CRYBB2: variants seen among roughly 807,000 people sequenced by gnomAD.
CRYBB2 encodes the protein beta-crystallin B2.
CRYBB2 carries 12 observed loss-of-function variants against 24.3 expected under a neutral mutation model. That is an observed-to-expected ratio of 0.49 (90% confidence interval 0.32 to 0.80). CRYBB2 has a LOEUF of 0.80. Ranked by LOEUF, CRYBB2 falls within the 30% of genes least tolerant of loss-of-function variation. The pLI, the probability that CRYBB2 is intolerant of heterozygous loss-of-function variation, is 0.04. For synonymous variants in CRYBB2, 98 were observed against 101.6 expected, an observed-to-expected ratio of 0.96 and a Z score of 0.21; for missense variants, 198 against 268.5, an observed-to-expected ratio of 0.74 and a Z score of 1.83.
At chr22:25,218,615 G>C (rs559808321), upstream of CRYBB2, among the ~76,000 whole-genome samples, 1 of 149,886 alleles carries the variant, frequency 6.7e-6, no homozygotes, top group African/African-American at 2.5e-5. Flanking sequence ...GCAGTGAGCC[G>C]AGATCACACC....
chr22:25,218,103 C>CA (rs1289786050), upstream of CRYBB2, among the ~76,000 whole-genome samples: 2 of 151,604 alleles, frequency 1.3e-5, no homozygotes, highest in African/African-American at 2.4e-5. Context: ...ACTAAAAATA[C>CA]AAAAAATTAG....
chr22:25,230,195 C>G (rs553755850), intron 5 of CRYBB2, among the ~76,000 whole-genome samples: 1 of 149,504 alleles, frequency 6.7e-6, no homozygotes, highest in Non-Finnish European at 1.5e-5. Context: ...CGCGCACTTT[C>G]GCCCTGGCTG....
chr22:25,228,608 A>T (rs1935464956), intron 4 of CRYBB2, among the ~76,000 whole-genome samples: 2 of 152,112 alleles, frequency 1.3e-5, no homozygotes, highest in African/African-American at 4.8e-5. Context: ...TCCTCCCAGG[A>T]CCTACTGGAA....
chr22:25,218,059 A>C (rs1402948596), upstream of CRYBB2, among the ~76,000 whole-genome samples: 1 of 151,786 alleles, frequency 6.6e-6, no homozygotes. Flanking sequence ...GGAGATCGAG[A>C]CCATCCTGGC....
At chr22:25,218,390 C>T (rs1313727541), upstream of CRYBB2, among the ~76,000 whole-genome samples, 1 of 151,930 alleles carries the variant, frequency 6.6e-6, no homozygotes, top group African/African-American at 2.4e-5. Flanking sequence ...GGTGCAGTGG[C>T]TCATGCCTGG....
chr22:25,213,941 T>A (rs1443818807), intron 1 of CRYBB2, among the ~76,000 whole-genome samples: 2 of 152,184 alleles, frequency 1.3e-5, no homozygotes, highest in Non-Finnish European at 2.9e-5. Flanking sequence ...ATGTGCTAGA[T>A]CCTATGTAGG....
At chr22:25,218,830 G>GAA (rs1379308526), upstream of CRYBB2, among the ~76,000 whole-genome samples, 1 of 109,480 alleles carries the variant, frequency 9.1e-6, no homozygotes, top group Non-Finnish European at 1.8e-5. Flanking sequence ...AAGAAAGAAA[G>GAA]AAAGAAAGAG....
At chr22:25,214,719 A>G (rs925567388), upstream of CRYBB2, among the ~76,000 whole-genome samples, 2 of 152,216 alleles carry the variant, frequency 1.3e-5, no homozygotes, top group African/African-American at 2.4e-5. Flanking sequence ...TATAATGTCC[A>G]TGGGCCAAAA....
intron 1 of CRYBB2, among the ~76,000 whole-genome samples, chr22:25,220,734 G>C (rs1935304676): frequency 6.6e-6 from 1 of 152,164 alleles, no homozygotes; most frequent in South Asian, 2.1e-4. Context: ...AGGCTTTTCT[G>C]ATGTTCTCAC....
chr22:25,214,742 C>T (rs570068377), upstream of CRYBB2, among the ~76,000 whole-genome samples: 26 of 152,244 alleles, frequency 1.7e-4, no homozygotes, highest in African/African-American at 5.5e-4. Flanking sequence ...TTTAATTCTT[C>T]GCAAGTGTGG....
At chr22:25,221,278 G>A (rs1935315046) in intron 1 of CRYBB2, 126 bp from the exon 2 acceptor site, 3 of 704,588 alleles carry the variant, frequency 4.3e-6, no homozygotes, top group African/African-American at 3.5e-5. Flanking sequence ...CCACAGCTCT[G>A]GGACAGTCTG....
chr22:25,229,513 T>C lies in CRYBB2; in HGVS notation c.384T>C (p.Asp128=), dbSNP rs1395903116. The change falls in exon 5 of 6, where the codon GAT becomes GAC. Residue 128 remains aspartate, a synonymous_variant. Transcript: ENST00000398215. ...TGKKMEIIDD[D]VPSFHAHGYQ... ...AGAAGATGGAAATCATAGATGACGA[T>C]GTACCCAGCTTCCACGCCCATGGCT... 9.9e-6 allele frequency: 16 copies of C among 1,614,098 alleles called. No homozygotes were observed. The highest frequency in any genetic ancestry group is 5.0e-5 in the Admixed American group (3 of 60,002).
intron 2 of CRYBB2, among the ~76,000 whole-genome samples, chr22:25,222,542 C>T (rs1470993377): frequency 6.6e-6 from 1 of 152,074 alleles, no homozygotes; most frequent in East Asian, 1.9e-4. Flanking sequence ...AGTTTGAGCC[C>T]AGCCTGGGCA....
chr22:25,218,128 G>A (rs551815620), upstream of CRYBB2, among the ~76,000 whole-genome samples: 121 of 150,928 alleles, frequency 8.0e-4, 1 homozygote, highest in South Asian at 2.4e-3. Flanking sequence ...GCGTGTTGGC[G>A]GGCGCCTGTA....
chr22:25,223,000 TG>T (rs1285428019), intron 2 of CRYBB2, among the ~76,000 whole-genome samples: 1 of 152,204 alleles, frequency 6.6e-6, no homozygotes, highest in Admixed American at 6.5e-5. Flanking sequence ...GGCTGCTGTG[TG>T]GGACAGTGCA....
chr22:25,213,986 A>G (rs1935136699), intron 1 of CRYBB2, among the ~76,000 whole-genome samples: 2 of 152,168 alleles, frequency 1.3e-5, no homozygotes, highest in Admixed American at 6.5e-5. Context: ...GCCATGGCTC[A>G]GCTCTCCACG....
intron 1 of CRYBB2, among the ~76,000 whole-genome samples, chr22:25,220,855 T>C (rs1601417913): frequency 6.6e-6 from 1 of 152,116 alleles, no homozygotes; most frequent in Non-Finnish European, 1.5e-5. Context: ...ATTTCACTAA[T>C]GGGGGAGTAA....
At chr22:25,226,168 C>CTG (rs3064285) in intron 3 of CRYBB2, among the ~76,000 whole-genome samples, 1,719 of 149,124 alleles carry the variant, frequency 0.012, 12 homozygotes, top group Middle Eastern at 0.014. Context: ...TTGGATTTCT[C>CTG]TGTGTGTGTG....
upstream of CRYBB2, among the ~76,000 whole-genome samples, chr22:25,212,465 C>T (rs1378921798): frequency 6.6e-6 from 1 of 152,200 alleles, no homozygotes; most frequent in East Asian, 1.9e-4. Context: ...GTGGTCACTG[C>T]CCCCAGGAAT....
Sources: gnomAD v4.1 joint callset for allele counts (sites outside exome capture counted in the v4.1 genomes callset) on GRCh38, gnomAD v4.1.1 for gene constraint, MANE v1.5 for transcripts, NCBI Gene and HGNC (gene_info 2026-07-23, HGNC 2026-07-21) for gene names.